Variants in DDX3X observed in about 807,000 individuals in gnomAD.
DDX3X encodes the protein DEAD-box helicase 3 X-linked, also known as ATP-dependent RNA helicase DDX3X.
In DDX3X, 4 loss-of-function variants were observed where a neutral mutation model predicts 52.7. The observed-to-expected ratio is 0.08, with a 90% CI of 0.04 to 0.17. The LOEUF (loss-of-function observed/expected upper bound fraction) is 0.17. DDX3X is among the 10% of genes least tolerant of loss of function. The probability of loss-of-function intolerance (pLI) is 1.00; values close to 1 mark genes in which losing one functional copy is unlikely to be tolerated. For synonymous variants in DDX3X, 192 were observed against 178.1 expected (o/e 1.08, Z -0.62); for missense variants, 222 against 548.6 (o/e 0.40, Z 5.95).
At position 41,358,043 on chromosome X, in the gene DDX3X, A is replaced by G. The variant is rs2064015754; in HGVS notation, c.655-6231A>G. 3 of 150,612 alleles carry G rather than the reference A, an allele frequency of 2.0e-5. No individual in the cohort carries two copies. The East Asian group carries it at 3.4e-4, about 17-fold the overall frequency. The allele number at this position is 150,612 out of a possible 1,213,427, so 12.4% of individuals were successfully genotyped here. A position where few individuals can be genotyped will look rare whatever the true frequency, so the allele number is the denominator to read the frequency against. On this transcript the variant is annotated intron_variant, in intron 5 of 5. Transcript: ENST00000616050. The stretch of plus-strand genomic sequence containing the variant: ...GTAAGCACCTTTTGGAAGGTTTCCT[A>G]TCTGGGACAGAGATAGACACTCTTT...
At chrX:41,336,738 CAAAAAA>C (rs960139346) in intron 1 of DDX3X, 1 of 110,150 alleles carries the variant, frequency 9.1e-6, no homozygotes, top group African/African-American at 3.3e-5. Context: ...GACTCTGTCT[CAAAAAA>C]AATAAAAATA....
chrX:41,339,123 C>T (rs760209536), intron 3 of DDX3X, 40 bp downstream of exon 3: 78 of 869,874 alleles, frequency 9.0e-5, no homozygotes, highest in Non-Finnish European at 1.1e-4. Flanking sequence ...TATTTTTTGC[C>T]TCCTTTAGAA....
intron 5 of DDX3X, among the ~76,000 whole-genome samples, chrX:41,358,154 C>T (rs779464310): frequency 6.4e-4 from 64 of 100,510 alleles, no homozygotes; most frequent in Non-Finnish European, 1.1e-3. Context: ...CTCTGCTCAC[C>T]GCAACCTCCA....
In DDX3X at chrX:41,344,044, T is replaced by C; in HGVS notation, c.780T>C (p.Tyr260=). 8.3e-7 allele frequency: 1 copy of C among 1,206,854 alleles called. No homozygotes were observed. ...ALRAMKENGR[Y]GRRKQYPISL... is the part of the protein sequence containing the mutation. Reference sequence around the variant, plus strand: ...TTATTTCTTAGGAAAATGGAAGGTATGGGCGCCGCAAACAATACCCAATCT... The same window carrying C: ...TTATTTCTTAGGAAAATGGAAGGTACGGGCGCCGCAAACAATACCCAATCT... The change falls in exon 9 of 17, where the codon TAT becomes TAC. Residue 260 remains tyrosine (Y), a synonymous_variant. Transcript: ENST00000644876.
At chrX:41,343,434 T>G (rs2063878896) in intron 7 of DDX3X, 83 bp downstream of exon 7, 4 of 898,855 alleles carry the variant, frequency 4.5e-6, no homozygotes, top group Non-Finnish European at 6.0e-6. Context: ...TTATGGGTCA[T>G]GCAGTTTTGC....
chrX:41,345,466 C>T lies in DDX3X; in HGVS notation c.1233C>T (p.Thr411=), dbSNP rs745363651. The T allele has an allele frequency of 8.3e-7, 1 of 1,207,851 alleles. No individual in the cohort carries two copies. The highest frequency in any genetic ancestry group is 3.0e-5 in the East Asian group (1 of 33,729). Residue 411 remains threonine, a synonymous_variant, in exon 12 of 17, where the codon ACC becomes ACT. Coordinates refer to ENST00000644876, the MANE Select transcript of DDX3X (RefSeq NM_001356.5). ...IFLAVGRVGS[T]SENITQKVVW... ...TGGCTGTAGGAAGAGTTGGCTCTAC[C>T]TCTGAAAACATCACACAGAAAGTAG...
chrX:41,337,275 T>G (rs1347648391), intron 1 of DDX3X, 133 bp from the exon 2 acceptor site: 3 of 521,381 alleles, frequency 5.8e-6, no homozygotes, highest in Non-Finnish European at 1.0e-5. Flanking sequence ...TCATTAAGGG[T>G]TGGTATTAGC....
At chrX:41,344,435 TTTG>T in intron 10 of DDX3X, 36 bp downstream of exon 10, 1 of 1,202,245 alleles carries the variant, frequency 8.3e-7, no homozygotes, top group Non-Finnish European at 1.1e-6. Context: ...TTTGTTTTGT[TTTG>T]TTTTGTTCTT....
intron 2 of DDX3X, 32 bp from the exon 3 acceptor site, chrX:41,339,004 A>G (rs751659725): frequency 4.2e-6 from 3 of 710,756 alleles, no homozygotes; most frequent in South Asian, 1.0e-4. Flanking sequence ...TTTGGCATTT[A>G]ATTAATTTTA....
intron 2 of DDX3X, 76 bp from the exon 3 acceptor site, chrX:41,338,959 AT>A: frequency 2.3e-6 from 1 of 426,320 alleles, no homozygotes; most frequent in Non-Finnish European, 3.5e-6. Context: ...TCCCAGAACC[AT>A]TTTTTAGTAA....
chrX:41,362,707 C>T (rs1355688849), intron 5 of DDX3X, among the ~76,000 whole-genome samples: 2 of 112,112 alleles, frequency 1.8e-5, no homozygotes, highest in Non-Finnish European at 3.8e-5. Flanking sequence ...AAAAGACATC[C>T]GTCCCCTGAC....
rs756329794 is a variant in DDX3X, at chrX:41,345,400, T to G, written c.1171-4T>G. On this transcript the variant is annotated splice_region_variant and splice_polypyrimidine_tract_variant and intron_variant, in intron 11 of 16. Coordinates refer to ENST00000644876, the MANE Select transcript of DDX3X (RefSeq NM_001356.5). ...GGTAATAATAAAAATTTTTTTTCTTTCAGATGCTGGCTCGTGATTTCTTAG... is the reference window on the plus strand; with the variant it reads ...GGTAATAATAAAAATTTTTTTTCTTGCAGATGCTGGCTCGTGATTTCTTAG... 3 of 1,199,024 alleles carry G rather than the reference T, an allele frequency of 2.5e-6. No homozygotes were observed. The highest frequency in any genetic ancestry group is 1.9e-5 in the South Asian group (1 of 54,003).
intron 5 of DDX3X, among the ~76,000 whole-genome samples, chrX:41,356,373 C>T (rs780033780): frequency 1.8e-5 from 2 of 109,518 alleles, no homozygotes; most frequent in South Asian, 7.8e-4. Flanking sequence ...TCTCAAACTC[C>T]TGACTTCAGG....
chrX:41,346,186 T>C (rs2063921075), intron 12 of DDX3X, 43 bp from the exon 13 acceptor site: 2 of 1,129,894 alleles, frequency 1.8e-6, no homozygotes, highest in Admixed American at 2.6e-5. Flanking sequence ...CAAAGAGAAC[T>C]AAGCCATGTT....
At chrX:41,359,141 T>C (rs1322993355) in intron 5 of DDX3X, among the ~76,000 whole-genome samples, 1 of 112,499 alleles carries the variant, frequency 8.9e-6, no homozygotes, top group Non-Finnish European at 1.9e-5. Context: ...AAATACTCTT[T>C]GCGTCTAAGA....
intron 1 of DDX3X, chrX:41,335,336 G>A (rs1712507605): frequency 2.7e-5 from 3 of 111,533 alleles, no homozygotes; most frequent in African/African-American, 9.8e-5. Context: ...GCTTAGGGGG[G>A]AAGTAAACAG....
intron 5 of DDX3X, among the ~76,000 whole-genome samples, chrX:41,363,730 C>T (rs1323658648): frequency 3.6e-5 from 4 of 111,348 alleles, no homozygotes; most frequent in African/African-American, 6.5e-5. Flanking sequence ...TTGCAGTGAG[C>T]CGAGATCGCA....
intron 10 of DDX3X, 56 bp downstream of exon 10, chrX:41,344,455 T>C: frequency 1.7e-6 from 2 of 1,173,899 alleles, no homozygotes; most frequent in African/African-American, 3.5e-5. Context: ...TCTTTTGTTT[T>C]TGGCAGAGTT....
rs2063966390 is a variant in DDX3X, at chrX:41,349,725, T to TG, written c.*2008dup. ...AAGTCAAATTAAGCAGACCCGGCGT[T>TG]GGCAGTGTAGCCATAACTTTCTGAT... On this transcript the variant is annotated 3_prime_UTR_variant, in exon 17 of 17. Coordinates refer to ENST00000644876, the MANE Select transcript of DDX3X (RefSeq NM_001356.5). The TG allele has an allele frequency of 9.0e-6, 1 of 111,704 alleles. No individual in the cohort carries two copies. 9.2% of individuals were successfully genotyped at this position (111,704 alleles called of 1,213,427 possible). A position where few individuals can be genotyped will look rare whatever the true frequency, so the allele number is the denominator to read the frequency against.
Sources: gnomAD v4.1 joint callset for allele counts (sites outside exome capture counted in the v4.1 genomes callset) on GRCh38, gnomAD v4.1.1 for gene constraint, MANE v1.5 for transcripts, NCBI Gene and HGNC (gene_info 2026-07-23, HGNC 2026-07-21) for gene names.